DOK6: variants seen among roughly 807,000 people sequenced by gnomAD.
DOK6 encodes the protein docking protein 6.
A neutral mutation model predicts 44.0 loss-of-function variants in DOK6; 22 were observed. The ratio of observed to expected loss-of-function variants is 0.50; its 90% confidence interval spans 0.36 to 0.71. DOK6 has a LOEUF of 0.71. DOK6 is among the 30% of genes least tolerant of loss of function. DOK6 has a pLI of 0.00. For missense variants in DOK6, 340 were observed against 416.4 expected (o/e 0.82, Z 1.60); for synonymous variants, 166 against 145.5 (o/e 1.14, Z -1.01).
At chr18:69,816,795 G>A (rs759060485) in intron 7 of DOK6, among the ~76,000 whole-genome samples, 11 of 152,178 alleles carry the variant, frequency 7.2e-5, no homozygotes, top group African/African-American at 1.2e-4. Flanking sequence ...GGAACTGTTC[G>A]TGACCATTGA....
At chr18:69,490,698 A>G (rs1980711492) in intron 1 of DOK6, among the ~76,000 whole-genome samples, 1 of 152,210 alleles carries the variant, frequency 6.6e-6, no homozygotes, top group South Asian at 2.1e-4. Flanking sequence ...CAACTAAAAC[A>G]AGCAAAAAAT....
At chr18:69,731,659 T>C (rs1384043700) in intron 5 of DOK6, among the ~76,000 whole-genome samples, 1 of 152,198 alleles carries the variant, frequency 6.6e-6, no homozygotes, top group East Asian at 1.9e-4. Context: ...ATGTTCTTTT[T>C]GCTCTGAAGA....
intron 1 of DOK6, among the ~76,000 whole-genome samples, chr18:69,505,585 CCT>C (rs1167310793): frequency 6.1e-5 from 9 of 147,338 alleles, no homozygotes; most frequent in Non-Finnish European, 1.5e-5. Flanking sequence ...GCAACCTCTG[CCT>C]CCCAGGTTCA....
chr18:69,747,622 A>G (rs2056552902), intron 6 of DOK6, among the ~76,000 whole-genome samples: 1 of 150,082 alleles, frequency 6.7e-6, no homozygotes, highest in African/African-American at 2.5e-5. Context: ...AGATATCAGC[A>G]TCAAAGTCTA....
At chr18:69,801,257 T>C (rs1046618273) in intron 7 of DOK6, among the ~76,000 whole-genome samples, 1 of 152,198 alleles carries the variant, frequency 6.6e-6, no homozygotes, top group Non-Finnish European at 1.5e-5. Flanking sequence ...CTATATAGTA[T>C]TCTAGTCCAT....
chr18:69,711,570 T>C (rs546846565), intron 5 of DOK6, among the ~76,000 whole-genome samples: 1 of 152,332 alleles, frequency 6.6e-6, no homozygotes, highest in African/African-American at 2.4e-5. Context: ...GCTACTCTAT[T>C]CTTTAATATG....
chr18:69,746,076 T>C (rs1299545401), intron 6 of DOK6, among the ~76,000 whole-genome samples: 1 of 152,144 alleles, frequency 6.6e-6, no homozygotes, highest in Non-Finnish European at 1.5e-5. Flanking sequence ...TGTGTCTTAC[T>C]TACAAATAGA....
chr18:69,525,332 A>T (rs944455320), intron 1 of DOK6, among the ~76,000 whole-genome samples: 1 of 151,930 alleles, frequency 6.6e-6, no homozygotes, highest in African/African-American at 2.4e-5. Flanking sequence ...ATATTTTAAA[A>T]TTTTAATCTA....
chr18:69,496,428 G>A (rs547857376), intron 1 of DOK6, among the ~76,000 whole-genome samples: 2 of 152,220 alleles, frequency 1.3e-5, no homozygotes, highest in African/African-American at 2.4e-5. Context: ...GGGGCTTCCC[G>A]GCTGCAGCTG....
At chr18:69,814,354 T>C (rs1406641987) in intron 7 of DOK6, among the ~76,000 whole-genome samples, 1 of 151,998 alleles carries the variant, frequency 6.6e-6, no homozygotes, top group Non-Finnish European at 1.5e-5. Flanking sequence ...GGAGGCAAAG[T>C]GTGTTGCCAT....
In DOK6 at chr18:69,418,341, A is replaced by T. The variant is rs560995652; in HGVS notation, c.66+17031A>T. Among the ~76,000 whole-genome samples the T allele has an allele frequency of 2.6e-5, 4 of 152,292 alleles. No homozygotes were observed. The East Asian group carries it at 7.7e-4, about 29-fold the overall frequency. ...TCACTTCATTTTATGTCAAATTCAA[A>T]TGGATGATCTTTTATTATAATATCT... On this transcript the variant is annotated intron_variant, in intron 1 of 7. Coordinates refer to ENST00000382713, the MANE Select transcript of DOK6 (RefSeq NM_152721.6).
chr18:69,414,187 C>G (rs1978318572), intron 1 of DOK6, among the ~76,000 whole-genome samples: 1 of 152,034 alleles, frequency 6.6e-6, no homozygotes, highest in Admixed American at 6.6e-5. Context: ...TTGTCAATTT[C>G]TTGACAACCT....
At chr18:69,474,688 A>G (rs1290344463) in intron 1 of DOK6, among the ~76,000 whole-genome samples, 2 of 152,210 alleles carry the variant, frequency 1.3e-5, no homozygotes, top group Non-Finnish European at 2.9e-5. Context: ...CTTTGGCAAG[A>G]AAATCTTTGG....
At chr18:69,589,619 T>G (rs1454700724) in intron 2 of DOK6, among the ~76,000 whole-genome samples, 1 of 152,138 alleles carries the variant, frequency 6.6e-6, no homozygotes, top group African/African-American at 2.4e-5. Flanking sequence ...AAATATGTGG[T>G]TTTGCCTATT....
At chr18:69,663,667 C>T (rs1264266911) in intron 3 of DOK6, among the ~76,000 whole-genome samples, 3 of 152,176 alleles carry the variant, frequency 2.0e-5, no homozygotes, top group Non-Finnish European at 4.4e-5. Context: ...ACCCTAGGCA[C>T]AGTATTGTGT....
At position 69,594,234 on chromosome 18, in the gene DOK6, A is replaced by C. The variant is rs114910435; in HGVS notation, c.175-5150A>C. 2.8e-3 allele frequency among the ~76,000 whole-genome samples: 421 copies of C among 151,918 alleles called. 4 individuals are homozygous for C. The highest frequency in any genetic ancestry group is 9.9e-3 in the African/African-American group (409 of 41,480). ...TGAATGTTTTCAGATAGATGGATGG[A>C]CAGATAGATAGCAAATTGTATACAC... On this transcript the variant is annotated intron_variant, in intron 2 of 7. Transcript: ENST00000382713.
intron 2 of DOK6, among the ~76,000 whole-genome samples, chr18:69,596,344 G>A (rs1983739966): frequency 6.6e-6 from 1 of 152,110 alleles, no homozygotes; most frequent in African/African-American, 2.4e-5. Flanking sequence ...GTGAAAGGTA[G>A]TCCTGATTAA....
At chr18:69,779,124 A>G (rs879822861) in intron 7 of DOK6, among the ~76,000 whole-genome samples, 18 of 152,058 alleles carry the variant, frequency 1.2e-4, no homozygotes, top group Non-Finnish European at 5.9e-5. Context: ...TCATATTCTG[A>G]CCTCATCTTC....
intron 6 of DOK6, 120 bp from the exon 7 acceptor site, chr18:69,757,636 C>CATGTAAGGAT (rs1449599209): frequency 4.0e-6 from 3 of 745,406 alleles, no homozygotes; most frequent in East Asian, 4.9e-5. Context: ...CACCGGGGAT[C>CATGTAAGGAT]ATGCAGGTAT....
Sources: gnomAD v4.1 joint callset for allele counts (sites outside exome capture counted in the v4.1 genomes callset) on GRCh38, gnomAD v4.1.1 for gene constraint, MANE v1.5 for transcripts, NCBI Gene and HGNC (gene_info 2026-07-23, HGNC 2026-07-21) for gene names.